The following AHNAK2 variants were observed in gnomAD, a reference collection of about 807,000 sequenced individuals.
AHNAK2 encodes the protein protein AHNAK2.
Under a neutral mutation model 30.7 loss-of-function variants are expected in AHNAK2, and 18 were observed. The ratio of observed to expected loss-of-function variants is 0.59; its 90% CI spans 0.41 to 0.87. The LOEUF (loss-of-function observed/expected upper bound fraction) is 0.87. Among genes scored for constraint, AHNAK2 ranks in the 40% least tolerant of loss-of-function variants. AHNAK2 has a pLI of 0.00. For synonymous variants in AHNAK2, 3,590 were observed against 3,073.8 expected (o/e 1.17, Z -5.56); for missense variants, 8,604 against 7,373.0 (o/e 1.17, Z -6.11).
Position 104,948,081 on chromosome 14 carries a change from C to G in AHNAK2, c.7370G>C (p.Gly2457Ala). 1 of 1,612,958 alleles carries G rather than the reference C, an allele frequency of 6.2e-7. No homozygotes were observed. Among genetic ancestry groups the G allele is most frequent in the Non-Finnish European group, 8.5e-7 (1 of 1,179,722 alleles). ...PSVEVDVEAP[G>A]AKLDGAWLEG... is the part of the protein sequence containing the mutation. ...CAGCCACGCACCATCCAGCTTGGCT[C>G]CCGGGGCCTCGACATCCACCTCCAC... The change falls in exon 7 of 7, where the codon GGA becomes GCA. Residue 2457 changes from glycine to alanine, a missense_variant. Transcript: ENST00000333244.
chr14:104,948,565 C>A lies in AHNAK2; in HGVS notation c.6886G>T (p.Asp2296Tyr), dbSNP rs771785257. ...ATGTCCCCCTCCAGCCGCGCACCATCCAGCTTGGCTCCTGGGGCCTTGACG... is the reference window on the plus strand; with the variant it reads ...ATGTCCCCCTCCAGCCGCGCACCATACAGCTTGGCTCCTGGGGCCTTGACG... ...VDVKAPGAKL[D>Y]GARLEGDMSL... is the part of the protein sequence containing the mutation. Residue 2296 changes from aspartate (D) to tyrosine (Y), a missense_variant, in exon 7 of 7, where the codon GAT becomes TAT. Coordinates refer to ENST00000333244, the MANE Select transcript of AHNAK2 (RefSeq NM_138420.4). The A allele has an allele frequency of 4.3e-6, 7 of 1,612,640 alleles. No homozygotes were observed. Among genetic ancestry groups the A allele is most frequent in the African/African-American group, 1.4e-5 (1 of 74,068 alleles).
At chr14:104,970,627 G>A (rs892364393) in intron 1 of AHNAK2, 10 of 621,296 alleles carry the variant, frequency 1.6e-5, no homozygotes, top group Non-Finnish European at 1.8e-5. Context: ...TCCCACCAGA[G>A]GGAGTGGGCG....
Position 104,952,998 on chromosome 14 carries a change from T to G in AHNAK2, c.2453A>C (p.Asp818Ala). The change falls in exon 7 of 7, where the codon GAC (aspartate) becomes GCC (alanine). Residue 818 changes from aspartate (D) to alanine (A), a missense_variant. Transcript: ENST00000333244. ...CACCTCCTTGTCGGCCAGGGACAGG[T>G]CCCCCTCCAGCCGCGCACCATCCAG... is the stretch of plus-strand genomic sequence containing the variant. ...AKLDGARLEG[D>A]LSLADKEVTA... is the part of the protein sequence containing the mutation. 1 of 1,612,712 alleles carries G rather than the reference T, an allele frequency of 6.2e-7. No homozygotes were observed.
chr14:104,943,215 T>C lies in AHNAK2; in HGVS notation c.12236A>G (p.Asp4079Gly). The C allele has an allele frequency of 1.2e-6, 2 of 1,612,902 alleles. No individual in the cohort carries two copies. Among genetic ancestry groups the C allele is most frequent in the Non-Finnish European group, 1.7e-6 (2 of 1,179,548 alleles). Reference sequence around the variant, plus strand: ...CACTTCCGCCTTGGGGCCTTTCAGGTCCAGCTTGGGGCCCTTAACATCTAT... The same window carrying C: ...CACTTCCGCCTTGGGGCCTTTCAGGCCCAGCTTGGGGCCCTTAACATCTAT... ...PQIDVKGPKL[D>G]LKGPKAEVTA... Residue 4079 changes from aspartate (D) to glycine (G), a missense_variant, in exon 7 of 7, where the codon GAC becomes GGC. By Grantham distance (94) the Asp-to-Gly change is moderately conservative. Transcript: ENST00000333244.
At position 104,938,235 on chromosome 14, in the gene AHNAK2, C is replaced by A; in HGVS notation, c.17216G>T (p.Ser5739Ile). Reference sequence around the variant, plus strand: ...CTCTTCCTTCTCTTCAGGGGAGAAACTTTCTCGGGCATCAAAAAACGTGAT... The same window carrying A: ...CTCTTCCTTCTCTTCAGGGGAGAAAATTTCTCGGGCATCAAAAAACGTGAT... ...ETITFFDARE[S>I]FSPEEKEEGE... Residue 5739 changes from serine to isoleucine, a missense_variant, in exon 7 of 7, where the codon AGT (serine) becomes ATT (isoleucine). Transcript: ENST00000333244. The A allele has an allele frequency of 6.2e-7, 1 of 1,613,902 alleles. No homozygotes were observed. Among genetic ancestry groups the A allele is most frequent in the Non-Finnish European group, 8.5e-7 (1 of 1,179,870 alleles).
intron 1 of AHNAK2, among the ~76,000 whole-genome samples, chr14:104,975,795 G>A (rs1317299464): frequency 3.9e-5 from 6 of 152,178 alleles, no homozygotes. Flanking sequence ...CTGGCTGCGT[G>A]GAGCTAGCAG....
Position 104,948,513 on chromosome 14 carries a change from G to A in AHNAK2, c.6938C>T (p.Ala2313Val), listed in dbSNP as rs1463962523. The A allele has an allele frequency of 6.2e-7, 1 of 1,611,846 alleles. No individual in the cohort carries two copies. Residue 2313 changes from alanine to valine, a missense_variant, in exon 7 of 7, where the codon GCC (alanine) becomes GTC (valine). Physicochemically the swap from Ala to Val is moderately conservative, Grantham distance 64. Transcript: ENST00000333244. ...GGGCATTTTGAACTTGCTGTCTTTGGCAGTCACGTCCTTGTCGGCCAGGGA... is the reference window on the plus strand; with the variant it reads ...GGGCATTTTGAACTTGCTGTCTTTGACAGTCACGTCCTTGTCGGCCAGGGA... ...DMSLADKDVT[A>V]KDSKFKMPKF...
rs377429030 is a variant in AHNAK2 at position 104,947,784 on chromosome 14, A to G, written c.7667T>C (p.Val2556Ala). The change falls in exon 7 of 7, where the codon GTG becomes GCG. Residue 2556 changes from valine (V) to alanine (A), a missense_variant. Coordinates refer to ENST00000333244, the MANE Select transcript of AHNAK2 (RefSeq NM_138420.4). ...QVDVKLPEGP[V>A]PEGAGLKGHL... ...CCCTTTGAGGCCGGCTCCCTCCGGC[A>G]CAGGGCCCTCTGGGAGTTTCACGTC... 2 of 1,612,626 alleles carry G rather than the reference A, an allele frequency of 1.2e-6. No individual in the cohort carries two copies. Among genetic ancestry groups the G allele is most frequent in the Non-Finnish European group, 1.7e-6 (2 of 1,179,606 alleles).
At position 104,947,286 on chromosome 14, in the gene AHNAK2, G is replaced by T. The variant is rs1898335756; in HGVS notation, c.8165C>A (p.Pro2722His). 6.2e-7 allele frequency: 1 copy of T among 1,611,402 alleles called. No homozygotes were observed. Among genetic ancestry groups the T allele is most frequent in the Admixed American group, 1.7e-5 (1 of 59,784 alleles). ...VDVKLPEGHV[P>H]EGAGLKGHLP... is the part of the protein sequence containing the mutation. ...GTGCCCTTTGAGGCCGGCTCCCTCG[G>T]GAACGTGGCCCTCTGGGAGTTTCAC... Residue 2722 changes from proline to histidine, a missense_variant, in exon 7 of 7, where the codon CCC becomes CAC. Coordinates refer to ENST00000333244, the MANE Select transcript of AHNAK2 (RefSeq NM_138420.4).
In AHNAK2 at chr14:104,954,378, T is replaced by C; in HGVS notation, c.1073A>G (p.Glu358Gly). 1 of 1,613,200 alleles carries C rather than the reference T, an allele frequency of 6.2e-7. No homozygotes were observed. The highest frequency in any genetic ancestry group is 8.5e-7 in the Non-Finnish European group (1 of 1,179,822). Residue 358 changes from glutamate to glycine, a missense_variant, in exon 7 of 7, where the codon GAG becomes GGG. Transcript: ENST00000333244. This position sits in a 1 kb window ranked among gnomAD's most constrained non-coding sequence, Gnocchi z 4.3. Reference protein sequence around the residue: ...SGVGRAGVLEELGPWGDSLEE... With the variant: ...SGVGRAGVLEGLGPWGDSLEE... ...GAGGCTATCACCCCAGGGCCCCAACTCTTCCAGGACCCCAGCACGGCCCAC... is the reference window on the plus strand; with the variant it reads ...GAGGCTATCACCCCAGGGCCCCAACCCTTCCAGGACCCCAGCACGGCCCAC...
chr14:104,944,126 G>C lies in AHNAK2; in HGVS notation c.11325C>G (p.Ala3775=). ...SLPSVEVDVQ[A]PRAKLDSAQL... Reference sequence around the variant, plus strand: ...GTGCACTATCCAGTTTGGCTCTTGGGGCCTGGACGTCCACCTCCACGCTGG... The same window carrying C: ...GTGCACTATCCAGTTTGGCTCTTGGCGCCTGGACGTCCACCTCCACGCTGG... Residue 3775 remains alanine, a synonymous_variant, in exon 7 of 7, where the codon GCC becomes GCG. Transcript: ENST00000333244. 1 of 1,593,668 alleles carries C rather than the reference G, an allele frequency of 6.3e-7. No individual in the cohort carries two copies. Among genetic ancestry groups the C allele is most frequent in the Non-Finnish European group, 8.5e-7 (1 of 1,171,790 alleles).
rs753607305 is a variant in AHNAK2, at chr14:104,951,931, C to T, written c.3520G>A (p.Gly1174Arg). The T allele has an allele frequency of 1.2e-4, 198 of 1,610,454 alleles. 3 individuals carry two copies. Among genetic ancestry groups the T allele is most frequent in the Middle Eastern group, 9.9e-4 (6 of 6,048 alleles). ...KMPKFKMPSF[G>R]ASAPGKSIEA... ...ATGGACTTGCCTGGGGCTGACGCCC[C>T]GAACGATGGCATCTTGAACTTGGGC... is the stretch of plus-strand genomic sequence containing the variant. The change falls in exon 7 of 7, where the codon GGG (glycine) becomes AGG (arginine). Residue 1174 changes from glycine (G) to arginine (R), a missense_variant. Physicochemically the swap from Gly to Arg is moderately radical, Grantham distance 125. Coordinates refer to ENST00000333244, the MANE Select transcript of AHNAK2 (RefSeq NM_138420.4).
rs778324373 is a variant in AHNAK2 at position 104,941,694 on chromosome 14, T to G, written c.13757A>C (p.Asp4586Ala). 6.2e-7 allele frequency: 1 copy of G among 1,613,386 alleles called. No homozygotes were observed. Among genetic ancestry groups the G allele is most frequent in the South Asian group, 1.1e-5 (1 of 91,064 alleles). ...KGPKAEVMAP[D>A]VEVSLPSVET... Reference sequence around the variant, plus strand: ...CACGCTGGGCAGAGACACCTCCACATCGGGGGCCATCACCTCTGCCTTTGG... The same window carrying G: ...CACGCTGGGCAGAGACACCTCCACAGCGGGGGCCATCACCTCTGCCTTTGG... Residue 4586 changes from aspartate to alanine, a missense_variant, in exon 7 of 7, where the codon GAT (aspartate) becomes GCT (alanine). Physicochemically the swap from Asp to Ala is moderately radical, Grantham distance 126 (BLOSUM62 -2). Transcript: ENST00000333244.
In AHNAK2 at chr14:104,945,352, C is replaced by A. The variant is rs376154972; in HGVS notation, c.10099G>T (p.Val3367Phe). ...SIQLPSVDLE[V>F]QAGQVDVKLP... ...TTCACGTCCACCTGGCCAGCCTGGA[C>A]CTCCAGGTCCACAGAAGGGAGCTGA... is the stretch of plus-strand genomic sequence containing the variant. The change falls in exon 7 of 7, where the codon GTC becomes TTC. Residue 3367 changes from valine (V) to phenylalanine (F), a missense_variant. Val to Phe is a conservative substitution (Grantham distance 50). Transcript: ENST00000333244. 122 of 1,612,672 alleles carry A rather than the reference C, an allele frequency of 7.6e-5. 1 individual carries two copies. In the African/African-American group the frequency reaches 1.5e-3, roughly 19 times the overall value.
chr14:104,943,996 C>G lies in AHNAK2; in HGVS notation c.11455G>C (p.Gly3819Arg). 1.2e-6 allele frequency: 2 copies of G among 1,613,018 alleles called. No individual in the cohort carries two copies. Among genetic ancestry groups the G allele is most frequent in the Non-Finnish European group, 1.7e-6 (2 of 1,179,564 alleles). Residue 3819 changes from glycine to arginine, a missense_variant, in exon 7 of 7, where the codon GGC becomes CGC. Coordinates refer to ENST00000333244, the MANE Select transcript of AHNAK2 (RefSeq NM_138420.4). ...KMPSFGVSAP[G>R]KSIEASVHVS... ...TGCACCGAGGCCTCAATGGACTTGCCTGGGGCAGACACCCCAAATGACGGC... is the reference window on the plus strand; with the variant it reads ...TGCACCGAGGCCTCAATGGACTTGCGTGGGGCAGACACCCCAAATGACGGC...
In AHNAK2 at chr14:104,943,929, G is replaced by T. The variant is rs765421529; in HGVS notation, c.11522C>A (p.Ser3841Tyr). The change falls in exon 7 of 7, where the codon TCC (serine) becomes TAC (tyrosine). Residue 3841 changes from serine to tyrosine, a missense_variant. Coordinates refer to ENST00000333244, the MANE Select transcript of AHNAK2 (RefSeq NM_138420.4). ...AGTGGTCTTGAGGTCCCCCTGCATG[G>T]AGGGGAGACTCACATCGGCCTCCAC... is the stretch of plus-strand genomic sequence containing the variant. Reference protein sequence around the residue: ...PKVEADVSLPSMQGDLKTTDL... With the variant: ...PKVEADVSLPYMQGDLKTTDL... 7 of 1,613,296 alleles carry T rather than the reference G, an allele frequency of 4.3e-6. No individual in the cohort carries two copies. Among genetic ancestry groups the T allele is most frequent in the South Asian group, 1.1e-5 (1 of 91,054 alleles).
In AHNAK2 at chr14:104,956,675, G is replaced by A. The variant is rs1457056262; in HGVS notation, c.228C>T (p.Gly76=). 6.2e-7 allele frequency: 1 copy of A among 1,613,674 alleles called. No homozygotes were observed. The highest frequency in any genetic ancestry group is 8.5e-7 in the Non-Finnish European group (1 of 1,179,838). Residue 76 remains glycine (G), a synonymous_variant, in exon 4 of 7, where the codon GGC becomes GGT. Transcript: ENST00000333244. ...TCCGTCTCCCAGCAGAACCTTGCCT[G>A]CCGGGGGCGTCTTCCTGCAGCCACA... ...ADFGLQEDAP[G]RQGSAGRRRS... is the part of the protein sequence containing the mutation.
rs1319687704 is a variant in AHNAK2, at chr14:104,952,346, G to A, written c.3105C>T (p.Pro1035=). ...TGGTCTTCAGGTCCCCCTGCATGGA[G>A]GGGAGACTCAGGTCGGCCTCCACCT... ...APKVEADLSL[P]SMQGDLKTTD... Residue 1035 remains proline (P), a synonymous_variant, in exon 7 of 7, where the codon CCC becomes CCT. Coordinates refer to ENST00000333244, the MANE Select transcript of AHNAK2 (RefSeq NM_138420.4). 5.0e-6 allele frequency: 8 copies of A among 1,612,834 alleles called. No individual in the cohort carries two copies. The highest frequency in any genetic ancestry group is 1.1e-5 in the South Asian group (1 of 91,052).
At position 104,949,256 on chromosome 14, in the gene AHNAK2, A is replaced by C; in HGVS notation, c.6195T>G (p.Ala2065=). The change falls in exon 7 of 7, where the codon GCT becomes GCG. Residue 2065 remains alanine, a synonymous_variant. Coordinates refer to ENST00000333244, the MANE Select transcript of AHNAK2 (RefSeq NM_138420.4). ...CCTTGGGCAGGTGCCCTTTGAGGCCAGCTCCCTCGGGCACGTGGCCCTCCG... is the reference window on the plus strand; with the variant it reads ...CCTTGGGCAGGTGCCCTTTGAGGCCCGCTCCCTCGGGCACGTGGCCCTCCG... ...KLPEGHVPEG[A]GLKGHLPKVE... is the part of the protein sequence containing the mutation. The C allele has an allele frequency of 3.8e-6, 4 of 1,059,102 alleles. 1 individual carries two copies. Among genetic ancestry groups the C allele is most frequent in the Non-Finnish European group, 5.5e-6 (4 of 729,974 alleles). The allele number at this position is 1,059,102 out of a possible 1,614,324, so 65.6% of individuals were successfully genotyped here.
Sources: gnomAD v4.1 joint callset for allele counts (sites outside exome capture counted in the v4.1 genomes callset) on GRCh38, gnomAD v4.1.1 for gene constraint, Gnocchi (gnomAD v3.1) non-coding constraint, MANE v1.5 for transcripts, NCBI Gene and HGNC (gene_info 2026-07-23, HGNC 2026-07-21) for gene names.